MINDY4: variants seen among roughly 807,000 people sequenced by gnomAD.
MINDY4 encodes the protein probable ubiquitin carboxyl-terminal hydrolase MINDY-4.
MINDY4 carries 68 observed loss-of-function variants against 87.0 expected under a neutral mutation model. That is an observed-to-expected ratio of 0.78 (90% CI 0.64 to 0.96). The LOEUF is 0.96. Among genes scored for constraint, MINDY4 ranks in the 40% least tolerant of loss-of-function variants. The pLI, the probability that MINDY4 is intolerant of heterozygous loss-of-function variation, is 0.00. For synonymous variants in MINDY4, 379 were observed against 363.2 expected, an observed-to-expected ratio of 1.04 and a Z score of -0.50; for missense variants, 919 against 928.2, an observed-to-expected ratio of 0.99 and a Z score of 0.13.
Position 30,839,272 on chromosome 7 carries a change from T to C in MINDY4, c.1312T>C (p.Phe438Leu), listed in dbSNP as rs1291841646. The C allele has an allele frequency of 3.1e-6, 5 of 1,612,696 alleles. No individual in the cohort carries two copies. The highest frequency in any genetic ancestry group is 4.2e-6 in the Non-Finnish European group (5 of 1,179,544). ...NEEWKLQSFS[F>L]SNTASLKYGI... The stretch of plus-strand genomic sequence containing the variant: ...AGAATGGAAACTTCAGAGTTTTTCC[T>C]TTAGTAACACAGCCTCATTAAAATA... Residue 438 changes from phenylalanine to leucine, a missense_variant, in exon 8 of 18, where the codon TTT becomes CTT. Phe to Leu is a conservative substitution (Grantham distance 22). Coordinates refer to ENST00000265299, the MANE Select transcript of MINDY4 (RefSeq NM_032222.3).
At chr7:30,774,637 G>A (rs1285222851) in intron 1 of MINDY4, among the ~76,000 whole-genome samples, 1 of 151,624 alleles carries the variant, frequency 6.6e-6, no homozygotes, top group Non-Finnish European at 1.5e-5. Flanking sequence ...GCTCTTCTTA[G>A]GGCCATTATT....
chr7:30,839,115 C>G, intron 7 of MINDY4, 85 bp from the exon 8 acceptor site: 1 of 824,188 alleles, frequency 1.2e-6, no homozygotes, highest in Non-Finnish European at 1.9e-6. Context: ...AATTCAAGAA[C>G]AACTTCTGCA....
At chr7:30,856,956 C>T (rs989681326) in intron 12 of MINDY4, among the ~76,000 whole-genome samples, 1 of 152,252 alleles carries the variant, frequency 6.6e-6, no homozygotes, top group African/African-American at 2.4e-5. Context: ...AGGAAATAGG[C>T]CAGGTGGGTC....
At chr7:30,812,273 G>GC (rs1554279866) in intron 5 of MINDY4, among the ~76,000 whole-genome samples, 2 of 84,142 alleles carry the variant, frequency 2.4e-5, no homozygotes, top group South Asian at 5.4e-4. Context: ...GTGTGTTGAG[G>GC]GGGGGGGGGT....
In MINDY4 at chr7:30,859,288, T is replaced by C; in HGVS notation, c.1709T>C (p.Leu570Pro). ...FEVGPYGCIL[L>P]TLSAILSRST... Reference sequence around the variant, plus strand: ...GTGGGCCCCTATGGCTGCATCCTGCTCACCCTTTCTGCCATCCTGTCCAGG... The same window carrying C: ...GTGGGCCCCTATGGCTGCATCCTGCCCACCCTTTCTGCCATCCTGTCCAGG... The change falls in exon 13 of 18, where the codon CTC (leucine) becomes CCC (proline). Residue 570 changes from leucine (L) to proline (P), a missense_variant. Transcript: ENST00000265299. 1 of 1,614,204 alleles carries C rather than the reference T, an allele frequency of 6.2e-7. No homozygotes were observed. The highest frequency in any genetic ancestry group is 8.5e-7 in the Non-Finnish European group (1 of 1,180,030).
chr7:30,859,702 G>A (rs1256909617), intron 13 of MINDY4, among the ~76,000 whole-genome samples: 1 of 152,300 alleles, frequency 6.6e-6, no homozygotes, highest in South Asian at 2.1e-4. Flanking sequence ...TCTAGAGCTC[G>A]GGACAGGAAG....
Position 30,771,546 on chromosome 7 carries a change from T to C in MINDY4, c.53T>C (p.Leu18Pro). 1 of 1,601,092 alleles carries C rather than the reference T, an allele frequency of 6.2e-7. No homozygotes were observed. Among genetic ancestry groups the C allele is most frequent in the South Asian group, 1.1e-5 (1 of 87,822 alleles). ...EVAASLVREF[L>P]SRKGLKKTCV... ...GCCGCCTCCTTGGTCAGGGAGTTCC[T>C]CAGCAGAAAGGTAACGGCTCGCCCC... Residue 18 changes from leucine to proline, a missense_variant, in exon 1 of 18, where the codon CTC becomes CCC. Physicochemically the swap from Leu to Pro is moderately conservative, Grantham distance 98 (BLOSUM62 -3). Transcript: ENST00000265299.
chr7:30,825,467 C>A (rs954123407), intron 5 of MINDY4, among the ~76,000 whole-genome samples: 1 of 152,214 alleles, frequency 6.6e-6, no homozygotes, highest in Non-Finnish European at 1.5e-5. Flanking sequence ...TGGCCACCTG[C>A]CTACCCTCAG....
chr7:30,791,614 A>G, intron 5 of MINDY4, 40 bp downstream of exon 5: 1 of 1,554,392 alleles, frequency 6.4e-7, no homozygotes, highest in Non-Finnish European at 8.7e-7. Context: ...TTCAAAAAGA[A>G]GCTCCACCTC....
intron 9 of MINDY4, among the ~76,000 whole-genome samples, chr7:30,841,389 C>T (rs1265492909): frequency 6.6e-6 from 1 of 152,242 alleles, no homozygotes; most frequent in Non-Finnish European, 1.5e-5. Flanking sequence ...ACAAATGATA[C>T]AGGGGAGAAT....
At chr7:30,881,643 T>G (rs1419565399) in intron 15 of MINDY4, among the ~76,000 whole-genome samples, 2 of 152,142 alleles carry the variant, frequency 1.3e-5, no homozygotes, top group Admixed American at 1.3e-4. Flanking sequence ...GTGCTGCGGC[T>G]GAGGTGGGTG....
chr7:30,881,623 T>C (rs1362734764), intron 15 of MINDY4, among the ~76,000 whole-genome samples: 1 of 152,180 alleles, frequency 6.6e-6, no homozygotes, highest in Non-Finnish European at 1.5e-5. Context: ...CTGTCGAGCA[T>C]GAGGCAGAGG....
chr7:30,882,407 G>A, intron 16 of MINDY4, 46 bp downstream of exon 16: 2 of 1,292,146 alleles, frequency 1.5e-6, no homozygotes, highest in East Asian at 3.7e-5. Context: ...TCCCCAAGGA[G>A]CCTCCAGGCT....
intron 13 of MINDY4, among the ~76,000 whole-genome samples, chr7:30,865,329 T>C (rs937137316): frequency 5.9e-5 from 9 of 152,264 alleles, no homozygotes. Context: ...CAGCCGAACT[T>C]TGACACTGAT....
intron 17 of MINDY4, among the ~76,000 whole-genome samples, chr7:30,883,822 G>C (rs1332162325): frequency 6.6e-6 from 1 of 152,128 alleles, no homozygotes. Context: ...CTTTATGAGT[G>C]TGGGCTCTGG....
chr7:30,889,810 GTGT>G (rs1790743160), intron 17 of MINDY4, among the ~76,000 whole-genome samples: 1 of 152,172 alleles, frequency 6.6e-6, no homozygotes, highest in Non-Finnish European at 1.5e-5. Context: ...GAACATGAAA[GTGT>G]TATCATATAC....
chr7:30,874,334 G>C (rs1790197156), intron 14 of MINDY4, among the ~76,000 whole-genome samples: 1 of 152,214 alleles, frequency 6.6e-6, no homozygotes, highest in South Asian at 2.1e-4. Flanking sequence ...GGGGGAAGAG[G>C]GAAGTCACAT....
chr7:30,840,704 CA>C, intron 8 of MINDY4, 55 bp from the exon 9 acceptor site: 1 of 1,568,510 alleles, frequency 6.4e-7, no homozygotes, highest in Non-Finnish European at 8.7e-7. Context: ...TGGGTGAAAC[CA>C]AAAACTCTGC....
chr7:30,782,824 C>A (rs1787046386), intron 3 of MINDY4, among the ~76,000 whole-genome samples: 1 of 152,194 alleles, frequency 6.6e-6, no homozygotes, highest in Non-Finnish European at 1.5e-5. Context: ...TTTTATGTTA[C>A]AATCTTGAGC....
Sources: gnomAD v4.1 joint callset for allele counts (sites outside exome capture counted in the v4.1 genomes callset) on GRCh38, gnomAD v4.1.1 for gene constraint, MANE v1.5 for transcripts, NCBI Gene and HGNC (gene_info 2026-07-23, HGNC 2026-07-21) for gene names.